Variants in DNAJC3 observed in about 807,000 individuals in gnomAD.
DNAJC3 encodes the protein dnaJ homolog subfamily C member 3.
A neutral mutation model predicts 68.6 loss-of-function variants in DNAJC3; 38 were observed. The ratio of observed to expected loss-of-function variants is 0.55; its 90% CI spans 0.43 to 0.73. The LOEUF (loss-of-function observed/expected upper bound fraction) is 0.73. Ranked by LOEUF, DNAJC3 falls within the 30% of genes least tolerant of loss-of-function variation. The pLI is 0.00. For missense variants in DNAJC3, 526 were observed against 591.9 expected (o/e 0.89, Z 1.16); for synonymous variants, 203 against 204.0 (o/e 1.00, Z 0.04).
At chr13:95,789,298 TC>T in intron 11 of DNAJC3, among the ~76,000 whole-genome samples, 1 of 152,254 alleles carries the variant, frequency 6.6e-6, no homozygotes, top group South Asian at 2.1e-4. Context: ...CCTGATCCTC[TC>T]CCTCCTCCCA....
rs1244349266 is a variant in DNAJC3 at position 95,727,086 on chromosome 13, C to A, written c.393+1834C>A. ...CGGAGTAATCTTTCCCTAGCCCAGG[C>A]CTTTGTTCAAAGAACGTGTTGCATA... On this transcript the variant is annotated intron_variant, in intron 4 of 11. Coordinates refer to ENST00000602402, the MANE Select transcript of DNAJC3 (RefSeq NM_006260.5). Among the ~76,000 whole-genome samples, 4 of 151,998 alleles carry A rather than the reference C, an allele frequency of 2.6e-5. No individual in the cohort carries two copies. The South Asian group carries it at 8.3e-4, about 31-fold the overall frequency.
intron 1 of DNAJC3, among the ~76,000 whole-genome samples, chr13:95,684,043 C>T (rs1363421235): frequency 6.6e-6 from 1 of 151,910 alleles, no homozygotes; most frequent in South Asian, 2.1e-4. Context: ...ATAAAGATAC[C>T]TGAAATTGTA....
chr13:95,772,019 T>C (rs115580627), intron 9 of DNAJC3, among the ~76,000 whole-genome samples: 245 of 152,320 alleles, frequency 1.6e-3, no homozygotes, highest in African/African-American at 5.4e-3. Flanking sequence ...AAGAGCCAAA[T>C]AGTAAATAGA....
intron 9 of DNAJC3, among the ~76,000 whole-genome samples, chr13:95,765,409 TA>T (rs531346540): frequency 0.039 from 5,475 of 138,706 alleles, 94 homozygotes; most frequent in African/African-American, 0.042. Context: ...GCTTAGCTGT[TA>T]AAAAAAAAAA....
At chr13:95,707,924 C>T (rs778183027) in intron 1 of DNAJC3, among the ~76,000 whole-genome samples, 8 of 152,142 alleles carry the variant, frequency 5.3e-5, no homozygotes, top group Non-Finnish European at 1.0e-4. Flanking sequence ...ACAATCCTTT[C>T]ATGTATAGGT....
chr13:95,758,371 C>T (rs912251905), intron 5 of DNAJC3, among the ~76,000 whole-genome samples: 1 of 151,352 alleles, frequency 6.6e-6, no homozygotes, highest in Middle Eastern at 3.2e-3. Flanking sequence ...TGTGGTGGCT[C>T]ATGCCTGTAA....
intron 7 of DNAJC3, 102 bp from the exon 8 acceptor site, chr13:95,763,541 A>G (rs1882884985): frequency 5.5e-6 from 6 of 1,094,180 alleles, no homozygotes; most frequent in South Asian, 1.6e-5. Context: ...GGCTCATCCA[A>G]TTGGATTGAT....
At chr13:95,778,356 T>C (rs978209998) in intron 9 of DNAJC3, among the ~76,000 whole-genome samples, 9 of 152,174 alleles carry the variant, frequency 5.9e-5, no homozygotes, top group African/African-American at 1.7e-4. Flanking sequence ...AGACAGCAAC[T>C]CTGGCAACAT....
chr13:95,707,694 A>C (rs1224267474), intron 1 of DNAJC3, among the ~76,000 whole-genome samples: 2 of 152,206 alleles, frequency 1.3e-5, no homozygotes, highest in East Asian at 3.9e-4. Flanking sequence ...AGTTTAATCT[A>C]AGAACTGTTA....
intron 1 of DNAJC3, among the ~76,000 whole-genome samples, chr13:95,686,797 GAAGTC>G (rs1880084400): frequency 6.6e-6 from 1 of 152,208 alleles, no homozygotes. Flanking sequence ...AGTATAATTT[GAAGTC>G]AAGTAATGTG....
chr13:95,783,874 C>A (rs1883520805), intron 9 of DNAJC3, among the ~76,000 whole-genome samples: 1 of 152,152 alleles, frequency 6.6e-6, no homozygotes, highest in Non-Finnish European at 1.5e-5. Flanking sequence ...ACAGGACTCT[C>A]TACAAGGCCA....
At chr13:95,763,286 A>G (rs1444104202) in intron 7 of DNAJC3, among the ~76,000 whole-genome samples, 2 of 152,194 alleles carry the variant, frequency 1.3e-5, no homozygotes, top group African/African-American at 2.4e-5. Flanking sequence ...TGATCTCTGT[A>G]TTGTTCAAGG....
At chr13:95,736,244 G>A (rs113110049) in intron 4 of DNAJC3, among the ~76,000 whole-genome samples, 2,463 of 152,290 alleles carry the variant, frequency 0.016, 27 homozygotes, top group South Asian at 0.028. Flanking sequence ...ATAGTTTGAA[G>A]TCAAGTAGTG....
intron 1 of DNAJC3, among the ~76,000 whole-genome samples, chr13:95,689,683 G>T (rs907284494): frequency 6.6e-6 from 1 of 151,762 alleles, no homozygotes; most frequent in East Asian, 1.9e-4. Context: ...TTGAGGTGTG[G>T]TGTGTGGTTG....
At chr13:95,693,370 T>G (rs1422990038) in intron 1 of DNAJC3, 1 of 152,208 alleles carries the variant, frequency 6.6e-6, no homozygotes, top group African/African-American at 2.4e-5. Context: ...AGTACTCTTA[T>G]TGCCACCTCC....
At position 95,752,705 on chromosome 13, in the gene DNAJC3, T is replaced by C. The variant is rs191977435; in HGVS notation, c.394-4939T>C. On this transcript the variant is annotated intron_variant, in intron 4 of 11. Transcript: ENST00000602402. Reference sequence around the variant, plus strand: ...GGTTTATCTTGCCCTTTGAATGGGTTCTTTATCTTTTATCCATACATGCTT... The same window carrying C: ...GGTTTATCTTGCCCTTTGAATGGGTCCTTTATCTTTTATCCATACATGCTT... Among the ~76,000 whole-genome samples the C allele has an allele frequency of 2.0e-3, 300 of 152,228 alleles. 4 individuals are homozygous for C. Among genetic ancestry groups the C allele is most frequent in the Non-Finnish European group, 3.1e-4 (21 of 68,030 alleles).
At chr13:95,697,205 G>A (rs1318180298) in intron 1 of DNAJC3, among the ~76,000 whole-genome samples, 1 of 152,104 alleles carries the variant, frequency 6.6e-6, no homozygotes, top group East Asian at 1.9e-4. Flanking sequence ...TTTTCTTATA[G>A]GTCTAGTCTA....
rs200556669 is a variant in DNAJC3, at chr13:95,677,315, C to A, written c.60C>A (p.Val20=). ...GCTCGGTATTCCCCTTCCTGCTAGT[C>A]CTGGTGGATCTGCAGTACGAAGGTG... ...RLGSVFPFLL[V]LVDLQYEGAE... The change falls in exon 1 of 12, where the codon GTC becomes GTA. Residue 20 remains valine, a synonymous_variant. Coordinates refer to ENST00000602402, the MANE Select transcript of DNAJC3 (RefSeq NM_006260.5). The A allele has an allele frequency of 6.3e-7, 1 of 1,599,532 alleles. No individual in the cohort carries two copies. The highest frequency in any genetic ancestry group is 8.5e-7 in the Non-Finnish European group (1 of 1,174,424).
At chr13:95,754,904 G>A (rs567098337) in intron 4 of DNAJC3, among the ~76,000 whole-genome samples, 2 of 152,214 alleles carry the variant, frequency 1.3e-5, no homozygotes, top group East Asian at 1.9e-4. Flanking sequence ...TAGCTATTAC[G>A]GGTTATTTTT....
Sources: allele counts gnomAD v4.1 joint callset (sites outside exome capture counted in the v4.1 genomes callset), GRCh38; gene constraint gnomAD v4.1.1; transcripts MANE v1.5; gene names NCBI Gene and HGNC (gene_info 2026-07-23, HGNC 2026-07-21).